Variants in ZNF592 observed in about 807,000 individuals in gnomAD.
The protein encoded by ZNF592 is spinocerebellar ataxia, autosomal recessive 5.
Under a neutral mutation model 80.3 loss-of-function variants are expected in ZNF592, and 11 were observed. That is an observed-to-expected ratio of 0.14 (90% CI 0.09 to 0.23). ZNF592 has a LOEUF of 0.23. Ranked by LOEUF, ZNF592 falls within the 10% of genes least tolerant of loss-of-function variation. The pLI is 1.00. For missense variants in ZNF592, 1,420 were observed against 1,633.9 expected (o/e 0.87, Z 2.26); for synonymous variants, 646 against 640.3 (o/e 1.01, Z -0.13).
At chr15:84,754,248 A>G (rs1899097337) in intron 1 of ZNF592, among the ~76,000 whole-genome samples, 1 of 152,138 alleles carries the variant, frequency 6.6e-6, no homozygotes, top group African/African-American at 2.4e-5. Flanking sequence ...CAGATTCTGA[A>G]AGTGTTAAAT....
intron 1 of ZNF592, among the ~76,000 whole-genome samples, chr15:84,757,552 C>G (rs1338081584): frequency 6.6e-6 from 1 of 152,040 alleles, no homozygotes; most frequent in Non-Finnish European, 1.5e-5. Flanking sequence ...CAGGATCTCG[C>G]TGTGTTGACC....
chr15:84,756,271 C>T (rs1899166971), intron 1 of ZNF592, among the ~76,000 whole-genome samples: 1 of 152,236 alleles, frequency 6.6e-6, no homozygotes, highest in Non-Finnish European at 1.5e-5. Flanking sequence ...CCCACATTGC[C>T]CTTGGCAAGC....
intron 5 of ZNF592, among the ~76,000 whole-genome samples, chr15:84,792,183 A>G (rs935823143): frequency 6.6e-6 from 1 of 152,150 alleles, no homozygotes; most frequent in Non-Finnish European, 1.5e-5. Flanking sequence ...TAGATTTGAC[A>G]GGGGTTTAGG....
At chr15:84,792,865 C>T (rs750255916) in intron 5 of ZNF592, among the ~76,000 whole-genome samples, 2 of 152,162 alleles carry the variant, frequency 1.3e-5, no homozygotes, top group Non-Finnish European at 2.9e-5. Context: ...AAAGCACTTA[C>T]CACCAAGTTG....
chr15:84,756,340 C>G (rs181031877), intron 1 of ZNF592, among the ~76,000 whole-genome samples: 74 of 152,334 alleles, frequency 4.9e-4, no homozygotes, highest in Middle Eastern at 3.4e-3. Flanking sequence ...CCCTGGTTTG[C>G]TGTAGTTTAC....
intron 2 of ZNF592, among the ~76,000 whole-genome samples, chr15:84,768,546 CT>C (rs949563527): frequency 4.6e-5 from 7 of 151,978 alleles, no homozygotes; most frequent in Non-Finnish European, 1.0e-4. Flanking sequence ...CCTTTTGTGT[CT>C]TTTTTTCTTA....
Position 84,804,768 on chromosome 15 carries a change from C to T in ZNF592, c.*2375C>T, listed in dbSNP as rs1963195518. 1 of 152,198 alleles carries T rather than the reference C, an allele frequency of 6.6e-6. No individual in the cohort carries two copies. The highest frequency in any genetic ancestry group is 1.5e-5 in the Non-Finnish European group (1 of 68,042). The allele number at this position is 152,198 out of a possible 1,614,324, so 9.4% of individuals were successfully genotyped here. A position where few individuals can be genotyped will look rare whatever the true frequency, so the allele number is the denominator to read the frequency against. ...GCTGATTAGCAGTTATGAAGTGGCC[C>T]AGACACCTAGCCATTCTTTAGTAAG... On this transcript the variant is annotated 3_prime_UTR_variant, in exon 11 of 11. Coordinates refer to ENST00000560079, the MANE Select transcript of ZNF592 (RefSeq NM_014630.3).
At chr15:84,796,763 A>C (rs1962932228) in intron 5 of ZNF592, among the ~76,000 whole-genome samples, 1 of 152,176 alleles carries the variant, frequency 6.6e-6, no homozygotes, top group African/African-American at 2.4e-5. Context: ...GGAGAAAAAA[A>C]AATGAAAAGT....
chr15:84,762,351 G>A (rs1370305552), intron 1 of ZNF592, among the ~76,000 whole-genome samples: 3 of 152,188 alleles, frequency 2.0e-5, no homozygotes, highest in African/African-American at 7.2e-5. Context: ...TGAGAAGTCA[G>A]AGAAATCTCA....
At chr15:84,753,366 C>T (rs1314538616) in intron 1 of ZNF592, 4 of 152,204 alleles carry the variant, frequency 2.6e-5, no homozygotes, top group African/African-American at 9.7e-5. Flanking sequence ...GTGAAGGAAA[C>T]ACTGATTTAG....
In ZNF592 at chr15:84,798,516, G is replaced by T; in HGVS notation, c.2736+42G>T. 1 of 1,613,874 alleles carries T rather than the reference G, an allele frequency of 6.2e-7. No homozygotes were observed. Among genetic ancestry groups the T allele is most frequent in the South Asian group, 1.1e-5 (1 of 91,062 alleles). The stretch of plus-strand genomic sequence containing the variant: ...GAGGAGGCCGGGGAGGAGGGCACAT[G>T]CCTCAGGCTGGGGGTCTGACTCTGT... On this transcript the variant is annotated intron_variant, in intron 7 of 10. Coordinates refer to ENST00000560079, the MANE Select transcript of ZNF592 (RefSeq NM_014630.3). The surrounding 1 kb of genome is among the most constrained non-coding windows in gnomAD (Gnocchi z 4.5).
intron 1 of ZNF592, among the ~76,000 whole-genome samples, chr15:84,761,572 G>T (rs1700912631): frequency 6.6e-6 from 1 of 152,178 alleles, no homozygotes; most frequent in Non-Finnish European, 1.5e-5. Flanking sequence ...GTAAGTAGGA[G>T]AAAGGAAAAG....
chr15:84,801,288 A>G (rs894958506), intron 10 of ZNF592, among the ~76,000 whole-genome samples: 5 of 152,076 alleles, frequency 3.3e-5, no homozygotes, highest in Admixed American at 6.5e-5. Context: ...ACGCCACTGC[A>G]CTCCAGCCTG....
chr15:84,796,313 A>G (rs913664369), intron 5 of ZNF592, among the ~76,000 whole-genome samples: 5 of 139,856 alleles, frequency 3.6e-5, no homozygotes, highest in African/African-American at 5.4e-5. Context: ...GAAGGGTAAC[A>G]TTCAGGAGTC....
chr15:84,797,767 A>T, intron 5 of ZNF592, 102 bp from the exon 6 acceptor site: 1 of 1,355,710 alleles, frequency 7.4e-7, no homozygotes, highest in Non-Finnish European at 1.1e-6. Context: ...AGGTGCCTGG[A>T]TAGTTCTGTT....
In ZNF592 at chr15:84,804,464, C is replaced by T. The variant is rs1386552972; in HGVS notation, c.*2071C>T. 3 of 152,190 alleles carry T rather than the reference C, an allele frequency of 2.0e-5. No homozygotes were observed. Among genetic ancestry groups the T allele is most frequent in the South Asian group, 2.1e-4 (1 of 4,826 alleles). The allele number at this position is 152,190 out of a possible 1,614,324, so 9.4% of individuals were successfully genotyped here. On this transcript the variant is annotated 3_prime_UTR_variant, in exon 11 of 11. Transcript: ENST00000560079. Reference sequence around the variant, plus strand: ...ATATACATCTCCTTCCTGGGAAGAACGTGAGTTGGAAAAATGCTGAGCCAG... The same window carrying T: ...ATATACATCTCCTTCCTGGGAAGAATGTGAGTTGGAAAAATGCTGAGCCAG...
intron 4 of ZNF592, among the ~76,000 whole-genome samples, chr15:84,789,267 T>C (rs1962674303): frequency 6.6e-6 from 1 of 151,994 alleles, no homozygotes; most frequent in Admixed American, 6.6e-5. Flanking sequence ...AAGTCCCTTC[T>C]TTTTTTAAGG....
At chr15:84,801,752 G>T (rs1963100952) in intron 10 of ZNF592, 111 bp from the exon 11 acceptor site, 1 of 1,518,246 alleles carries the variant, frequency 6.6e-7, no homozygotes, top group Non-Finnish European at 9.1e-7. Flanking sequence ...CAGGGCTGGG[G>T]TGACCCTGGC....
intron 1 of ZNF592, among the ~76,000 whole-genome samples, chr15:84,755,032 C>A (rs1344670785): frequency 1.5e-5 from 2 of 137,024 alleles, no homozygotes; most frequent in Non-Finnish European, 3.1e-5. Flanking sequence ...GTGGTGCGAT[C>A]TCAGCTCACT....
Sources: allele counts gnomAD v4.1 joint callset (sites outside exome capture counted in the v4.1 genomes callset), GRCh38; gene constraint gnomAD v4.1.1; non-coding constraint Gnocchi (gnomAD v3.1); transcripts MANE v1.5; gene names NCBI Gene and HGNC (gene_info 2026-07-23, HGNC 2026-07-21).